The following BIRC6 variants were observed in gnomAD, a reference collection of about 807,000 sequenced individuals.
BIRC6 encodes dual E2 ubiquitin-conjugating enzyme/E3 ubiquitin-protein ligase BIRC6.
Under a neutral mutation model 503.3 loss-of-function variants are expected in BIRC6, and 98 were observed. The observed-to-expected ratio is 0.19, with a 90% CI of 0.17 to 0.23. The LOEUF (loss-of-function observed/expected upper bound fraction) is 0.23, where lower values mean the gene tolerates loss of function less well. Among genes scored for constraint, BIRC6 ranks in the 10% least tolerant of loss-of-function variants. The pLI is 1.00. For missense variants in BIRC6, 5,360 were observed against 5,806.0 expected, an observed-to-expected ratio of 0.92 and a Z score of 2.50; for synonymous variants, 2,240 against 2,078.7, an observed-to-expected ratio of 1.08 and a Z score of -2.11.
At chr2:32,535,544 A>T (rs1265027425) in intron 61 of BIRC6, among the ~76,000 whole-genome samples, 5 of 152,180 alleles carry the variant, frequency 3.3e-5, no homozygotes, top group Non-Finnish European at 7.3e-5. Flanking sequence ...TATGAGTGAG[A>T]ACATGCAGTG....
intron 40 of BIRC6, among the ~76,000 whole-genome samples, chr2:32,486,832 G>A (rs2051046966): frequency 6.6e-6 from 1 of 152,032 alleles, no homozygotes; most frequent in Non-Finnish European, 1.5e-5. Flanking sequence ...CTCAGTATTG[G>A]TACACAAATA....
intron 8 of BIRC6, among the ~76,000 whole-genome samples, chr2:32,403,459 T>C (rs1489286085): frequency 6.6e-6 from 1 of 152,222 alleles, no homozygotes; most frequent in Admixed American, 6.5e-5. Flanking sequence ...TTGACAATTT[T>C]TTCTTAGAAG....
intron 9 of BIRC6, among the ~76,000 whole-genome samples, chr2:32,413,053 CTA>C (rs199917604): frequency 2.5e-4 from 37 of 150,864 alleles, no homozygotes; most frequent in Non-Finnish European, 4.3e-4. Context: ...GTTGCCCAGA[CTA>C]GAGAGTACAG....
chr2:32,488,544 A>G (rs1263523239), intron 41 of BIRC6, 44 bp from the exon 42 acceptor site: 2 of 1,452,872 alleles, frequency 1.4e-6, no homozygotes, highest in Non-Finnish European at 9.2e-7. Flanking sequence ...ATTTCATATT[A>G]TAATAGGTAC....
At position 32,357,621 on chromosome 2, in the gene BIRC6, G is replaced by C; in HGVS notation, c.325+135G>C. On this transcript the variant is annotated intron_variant, in intron 1 of 73. Transcript: ENST00000421745. This position sits in a 1 kb window ranked among gnomAD's most constrained non-coding sequence, Gnocchi z 4.9. ...GGGTTCGGGCCCAGCCGTGAAGGGA[G>C]GCCCGGAAGCTGATGGAGGGGGACC... 7.0e-7 allele frequency: 1 copy of C among 1,420,202 alleles called. No individual in the cohort carries two copies. Among genetic ancestry groups the C allele is most frequent in the Non-Finnish European group, 9.2e-7 (1 of 1,088,612 alleles). 88.0% of individuals were successfully genotyped at this position (1,420,202 alleles called of 1,614,324 possible).
At chr2:32,399,886 C>T (rs773061159) in intron 6 of BIRC6, among the ~76,000 whole-genome samples, 3 of 152,120 alleles carry the variant, frequency 2.0e-5, no homozygotes, top group East Asian at 1.9e-4. Context: ...CACCCAGGCT[C>T]GAGGGATCTT....
chr2:32,394,841 G>T (rs892893951), intron 5 of BIRC6, among the ~76,000 whole-genome samples: 3 of 151,988 alleles, frequency 2.0e-5, no homozygotes, highest in Non-Finnish European at 4.4e-5. Flanking sequence ...GTTTTAAAGA[G>T]ACTCTGTCTC....
At chr2:32,372,528 T>C (rs2036132124) in intron 1 of BIRC6, among the ~76,000 whole-genome samples, 1 of 152,208 alleles carries the variant, frequency 6.6e-6, no homozygotes, top group African/African-American at 2.4e-5. Flanking sequence ...GCATCATTAT[T>C]TGTTTTGCCA....
At chr2:32,555,391 A>G (rs1357519591) in intron 65 of BIRC6, among the ~76,000 whole-genome samples, 16 of 152,180 alleles carry the variant, frequency 1.1e-4, no homozygotes, top group Admixed American at 1.0e-3. Context: ...CTATAATCCC[A>G]GCACTTTGGG....
At chr2:32,446,615 G>T (rs1204255135) in intron 21 of BIRC6, among the ~76,000 whole-genome samples, 3 of 151,976 alleles carry the variant, frequency 2.0e-5, no homozygotes, top group Non-Finnish European at 4.4e-5. Context: ...TTAGTTGCCA[G>T]CTTATTGGAA....
intron 23 of BIRC6, among the ~76,000 whole-genome samples, chr2:32,455,206 G>A (rs371768885): frequency 2.5e-4 from 38 of 151,726 alleles, no homozygotes; most frequent in African/African-American, 8.9e-4. Context: ...GTGAAACCCC[G>A]TCTCTACTAA....
chr2:32,428,870 A>C (rs2043810177), intron 10 of BIRC6, among the ~76,000 whole-genome samples: 1 of 152,218 alleles, frequency 6.6e-6, no homozygotes, highest in Admixed American at 6.5e-5. Context: ...AAATGAATTA[A>C]TTAAAGCACT....
Position 32,357,245 on chromosome 2 carries a change from G to T in BIRC6, c.84G>T (p.Lys28Asn). 1.3e-6 allele frequency: 2 copies of T among 1,525,034 alleles called. No individual in the cohort carries two copies. The highest frequency in any genetic ancestry group is 1.8e-6 in the Non-Finnish European group (2 of 1,139,424). 94.5% of individuals were successfully genotyped at this position (1,525,034 alleles called of 1,614,324 possible). Residue 28 changes from lysine to asparagine, a missense_variant, in exon 1 of 74, where the codon AAG becomes AAT. Around this residue, in one of 16 missense-constraint regions of BIRC6, gnomAD observed 145 missense variants for 106.9 expected, o/e 1.36. Transcript: ENST00000421745. The surrounding 1 kb of genome is among the most constrained non-coding windows in gnomAD (Gnocchi z 4.9). ...PSVIVLSAGR[K>N]MAAAAAAASG... ...TGATTGTGCTGAGCGCAGGCCGGAA[G>T]ATGGCGGCTGCGGCTGCGGCGGCCT...
chr2:32,477,699 G>C, intron 35 of BIRC6, 116 bp downstream of exon 35: 1 of 587,018 alleles, frequency 1.7e-6, no homozygotes. Flanking sequence ...AGGAGTTCCA[G>C]ACTAGTGTGG....
intron 56 of BIRC6, 23 bp downstream of exon 56, chr2:32,518,420 T>C (rs1558954222): frequency 6.3e-7 from 1 of 1,595,584 alleles, no homozygotes; most frequent in Non-Finnish European, 8.5e-7. Flanking sequence ...CACTTAATCA[T>C]TGGCTGTGTA....
At position 32,361,362 on chromosome 2, in the gene BIRC6, G is replaced by A. The variant is rs553075744; in HGVS notation, c.325+3876G>A. Among the ~76,000 whole-genome samples, 119 of 152,044 alleles carry A rather than the reference G, an allele frequency of 7.8e-4. 1 individual carries two copies. The highest frequency in any genetic ancestry group is 2.4e-3 in the African/African-American group (100 of 41,496). ...CTTGACTTTTTTTTTGTTTAAATAT[G>A]TGTTTCTTTTTTAGAGCAGTTTTAG... On this transcript the variant is annotated intron_variant, in intron 1 of 73. Transcript: ENST00000421745.
intron 54 of BIRC6, among the ~76,000 whole-genome samples, chr2:32,514,533 G>A (rs2149690433): frequency 1.3e-5 from 2 of 152,250 alleles, no homozygotes; most frequent in Admixed American, 6.5e-5. Flanking sequence ...TCTCTGGTAG[G>A]TCATCATATT....
chr2:32,388,971 G>C (rs1381269028), intron 4 of BIRC6, 28 bp downstream of exon 4: 1 of 1,329,732 alleles, frequency 7.5e-7, no homozygotes, highest in Non-Finnish European at 9.8e-7. Flanking sequence ...AAAGGTGACA[G>C]TGAGATAGAA....
At chr2:32,483,933 T>G (rs1187424583) in intron 39 of BIRC6, among the ~76,000 whole-genome samples, 1 of 152,210 alleles carries the variant, frequency 6.6e-6, no homozygotes, top group East Asian at 1.9e-4. Flanking sequence ...AGTTATTCTT[T>G]TCCCCTCTGT....
Sources: gnomAD v4.1 joint callset for allele counts (sites outside exome capture counted in the v4.1 genomes callset) on GRCh38, gnomAD v4.1.1 for gene constraint, gnomAD v4.1.1 regional missense constraint, Gnocchi (gnomAD v3.1) non-coding constraint, MANE v1.5 for transcripts, NCBI Gene and HGNC (gene_info 2026-07-23, HGNC 2026-07-21) for gene names.